FER1L6: variants seen among roughly 807,000 people sequenced by gnomAD.
FER1L6 encodes fer-1 like family member 6, also known as fer-1-like protein 6.
In FER1L6, 177 loss-of-function variants were observed where a neutral mutation model predicts 219.2. The ratio of observed to expected loss-of-function variants is 0.81; its 90% CI spans 0.71 to 0.91. The LOEUF (loss-of-function observed/expected upper bound fraction) is 0.91. Among genes scored for constraint, FER1L6 ranks in the 40% least tolerant of loss-of-function variants. The probability of loss-of-function intolerance (pLI) is 0.00; values close to 1 mark genes in which losing one functional copy is unlikely to be tolerated. For missense variants in FER1L6, 2,153 were observed against 2,259.9 expected (o/e 0.95, Z 0.96); for synonymous variants, 768 against 824.3 (o/e 0.93, Z 1.17).
intron 1 of FER1L6, among the ~76,000 whole-genome samples, chr8:123,906,258 C>A (rs1479498718): frequency 1.3e-5 from 2 of 152,096 alleles, no homozygotes; most frequent in African/African-American, 4.8e-5. Flanking sequence ...CAGTTAGATG[C>A]CAGCACCATA....
At chr8:123,931,127 C>T (rs1383972810) in intron 1 of FER1L6, among the ~76,000 whole-genome samples, 1 of 152,162 alleles carries the variant, frequency 6.6e-6, no homozygotes, top group African/African-American at 2.4e-5. Context: ...CTCTGGAGGC[C>T]CTGCCTGCAT....
At chr8:124,106,328 C>CAAAAAAAAA (rs71289636) in intron 39 of FER1L6, among the ~76,000 whole-genome samples, 1 of 63,856 alleles carries the variant, frequency 1.6e-5, no homozygotes, top group African/African-American at 6.4e-5. Flanking sequence ...GACTCTGTCT[C>CAAAAAAAAA]AAAAAAAAAA....
chr8:124,061,850 AG>A lies in FER1L6; in HGVS notation c.3148del. 1 of 1,613,224 alleles carries A rather than the reference AG, an allele frequency of 6.2e-7. No homozygotes were observed. Among genetic ancestry groups the A allele is most frequent in the Non-Finnish European group, 8.5e-7 (1 of 1,179,932 alleles). ...CTTCTTCATCTCATCCTCTCTCTGC[AG>A]GAACTGCCTGAGAACGAGCTTCTGC... On this transcript the variant is annotated splice_acceptor_variant, in intron 24 of 40. Coordinates refer to ENST00000522917, the MANE Select transcript of FER1L6 (RefSeq NM_001039112.2). LOFTEE classifies it high-confidence loss of function.
chr8:123,875,292 T>C (rs1816989237), intron 1 of FER1L6, among the ~76,000 whole-genome samples: 1 of 152,240 alleles, frequency 6.6e-6, no homozygotes. Flanking sequence ...TCAACTCTGC[T>C]GAAAGAGGTC....
intron 17 of FER1L6, 79 bp downstream of exon 17, chr8:124,021,748 GTGAAATA>G: frequency 1.3e-6 from 2 of 1,530,590 alleles, no homozygotes; most frequent in Non-Finnish European, 1.8e-6. Context: ...GTTGGTACGG[GTGAAATA>G]TGAATCAATG....
At chr8:124,075,478 T>A (rs1821244815) in intron 31 of FER1L6, among the ~76,000 whole-genome samples, 2 of 152,178 alleles carry the variant, frequency 1.3e-5, no homozygotes, top group South Asian at 4.2e-4. Flanking sequence ...AACACCTTTT[T>A]CTGGATGCCT....
At chr8:123,932,221 G>T (rs1159043852) in intron 1 of FER1L6, among the ~76,000 whole-genome samples, 1 of 152,098 alleles carries the variant, frequency 6.6e-6, no homozygotes, top group Non-Finnish European at 1.5e-5. Flanking sequence ...CGATTCTCCT[G>T]CCTCAGCCTC....
chr8:123,927,982 A>G (rs1319637459), intron 1 of FER1L6, among the ~76,000 whole-genome samples: 2 of 152,108 alleles, frequency 1.3e-5, no homozygotes, highest in Non-Finnish European at 2.9e-5. Flanking sequence ...TGTTTATGTA[A>G]TTATTATAAA....
intron 1 of FER1L6, among the ~76,000 whole-genome samples, chr8:123,866,517 TTGCTGAATCA>T (rs1208601910): frequency 6.6e-6 from 1 of 152,124 alleles, no homozygotes; most frequent in African/African-American, 2.4e-5. Flanking sequence ...AGAGATGAGA[TTGCTGAATCA>T]TACAGTAATT....
chr8:124,059,482 G>A (rs1374745327), intron 22 of FER1L6, among the ~76,000 whole-genome samples: 4 of 152,054 alleles, frequency 2.6e-5, no homozygotes, highest in Non-Finnish European at 5.9e-5. Context: ...TGTATGTGTC[G>A]AACCAGGTTT....
intron 23 of FER1L6, 114 bp from the exon 24 acceptor site, chr8:124,060,434 G>T: frequency 6.8e-7 from 1 of 1,472,576 alleles, no homozygotes; most frequent in Non-Finnish European, 9.3e-7. Context: ...TTCTTTCCTG[G>T]AGGAACACAG....
chr8:123,981,825 G>T (rs1473998079), intron 11 of FER1L6, among the ~76,000 whole-genome samples: 2 of 152,166 alleles, frequency 1.3e-5, no homozygotes, highest in Non-Finnish European at 2.9e-5. Flanking sequence ...TAATTACCCT[G>T]CCATAGGCAT....
chr8:123,867,544 G>T (rs138426981), intron 1 of FER1L6, among the ~76,000 whole-genome samples: 116 of 152,192 alleles, frequency 7.6e-4, no homozygotes, highest in African/African-American at 2.7e-3. Flanking sequence ...GTGTGATGCT[G>T]GGCAAATTAC....
chr8:123,970,299 T>C (rs555376477), intron 6 of FER1L6, among the ~76,000 whole-genome samples: 4 of 152,342 alleles, frequency 2.6e-5, no homozygotes, highest in African/African-American at 9.6e-5. Context: ...AGAAGATCTA[T>C]GCTTCTTGGA....
At chr8:124,026,036 G>A (rs1014490698) in intron 18 of FER1L6, among the ~76,000 whole-genome samples, 1 of 151,982 alleles carries the variant, frequency 6.6e-6, no homozygotes, top group Non-Finnish European at 1.5e-5. Context: ...TTCAACTGGG[G>A]GGTCCTGCAC....
intron 1 of FER1L6, among the ~76,000 whole-genome samples, chr8:123,881,664 C>G (rs966475484): frequency 2.0e-5 from 3 of 152,120 alleles, no homozygotes; most frequent in African/African-American, 4.8e-5. Flanking sequence ...TACCGTAGAC[C>G]CTGTGTGGCC....
chr8:124,023,499 T>C lies in FER1L6; in HGVS notation c.2189T>C (p.Val730Ala). 3.7e-6 allele frequency: 6 copies of C among 1,614,148 alleles called. No homozygotes were observed. Among genetic ancestry groups the C allele is most frequent in the Non-Finnish European group, 5.1e-6 (6 of 1,180,026 alleles). The change falls in exon 18 of 41, where the codon GTG becomes GCG. Residue 730 changes from valine to alanine, a missense_variant. Physicochemically the swap from Val to Ala is moderately conservative, Grantham distance 64. Coordinates refer to ENST00000522917, the MANE Select transcript of FER1L6 (RefSeq NM_001039112.2). Reference protein sequence around the residue: ...FIWMLSNNRRVAYARIASKDL... With the variant: ...FIWMLSNNRRAAYARIASKDL... Reference sequence around the variant, plus strand: ...TGGATGCTCAGCAACAACAGGAGAGTGGCCTATGCCCGCATCGCCTCCAAA... The same window carrying C: ...TGGATGCTCAGCAACAACAGGAGAGCGGCCTATGCCCGCATCGCCTCCAAA...
At chr8:124,011,340 T>C (rs190532075) in intron 14 of FER1L6, among the ~76,000 whole-genome samples, 4 of 152,300 alleles carry the variant, frequency 2.6e-5, no homozygotes, top group Admixed American at 2.6e-4. Flanking sequence ...CTTATCTTCT[T>C]ACATAACACC....
intron 37 of FER1L6, among the ~76,000 whole-genome samples, chr8:124,098,254 A>C (rs1230718167): frequency 6.6e-6 from 1 of 152,198 alleles, no homozygotes; most frequent in East Asian, 1.9e-4. Flanking sequence ...GGGAAAGCTA[A>C]AATTTAGACC....
Sources: allele counts gnomAD v4.1 joint callset (sites outside exome capture counted in the v4.1 genomes callset), GRCh38; gene constraint gnomAD v4.1.1; transcripts MANE v1.5; gene names NCBI Gene and HGNC (gene_info 2026-07-23, HGNC 2026-07-21).